NPAS3: variants seen among roughly 807,000 people sequenced by gnomAD.
NPAS3 encodes the protein neuronal PAS domain protein 3, also known as neuronal PAS domain-containing protein 3.
In NPAS3, 14 loss-of-function variants were observed where a neutral mutation model predicts 73.1. That is an observed-to-expected ratio of 0.19 (90% CI 0.13 to 0.30). NPAS3 has a LOEUF of 0.30. Ranked by LOEUF, NPAS3 falls within the 10% of genes least tolerant of loss-of-function variation. The pLI is 1.00. For missense variants in NPAS3, 1,096 were observed against 1,250.0 expected (o/e 0.88, Z 1.86); for synonymous variants, 620 against 541.5 (o/e 1.14, Z -2.01).
chr14:33,550,988 A>G (rs952862315), intron 4 of NPAS3, among the ~76,000 whole-genome samples: 1 of 152,228 alleles, frequency 6.6e-6, no homozygotes. Flanking sequence ...TTATAGCTGT[A>G]TGTGGTTCTA....
chr14:33,118,414 C>A (rs1238519318), intron 2 of NPAS3, among the ~76,000 whole-genome samples: 1 of 152,004 alleles, frequency 6.6e-6, no homozygotes, highest in Non-Finnish European at 1.5e-5. Context: ...AAGAACTATA[C>A]ATGTTTTTCA....
intron 2 of NPAS3, among the ~76,000 whole-genome samples, chr14:33,117,849 CTT>C (rs1419752948): frequency 6.6e-6 from 1 of 152,080 alleles, no homozygotes; most frequent in African/African-American, 2.4e-5. Context: ...CTGTCAAAAT[CTT>C]TGACATTTTT....
intron 3 of NPAS3, among the ~76,000 whole-genome samples, chr14:33,231,874 T>C (rs1013773656): frequency 6.6e-6 from 1 of 152,190 alleles, no homozygotes; most frequent in African/African-American, 2.4e-5. Flanking sequence ...GCCCTTGACG[T>C]AGGCAAATGG....
chr14:32,982,153 G>A (rs551948484), intron 1 of NPAS3, among the ~76,000 whole-genome samples: 2 of 152,286 alleles, frequency 1.3e-5, no homozygotes, highest in South Asian at 4.1e-4. Context: ...CATTTCATGA[G>A]GGACTTCTTT....
intron 1 of NPAS3, among the ~76,000 whole-genome samples, chr14:33,006,595 C>T (rs1307578539): frequency 1.3e-5 from 2 of 152,166 alleles, no homozygotes; most frequent in African/African-American, 4.8e-5. Flanking sequence ...AGTCTGCCAA[C>T]TGTCAATCAG....
chr14:33,438,762 A>C (rs2049102505), intron 4 of NPAS3, among the ~76,000 whole-genome samples: 4 of 152,214 alleles, frequency 2.6e-5, no homozygotes, highest in Admixed American at 2.6e-4. Context: ...CTTTAAGATA[A>C]AATAAGAAAC....
intron 4 of NPAS3, among the ~76,000 whole-genome samples, chr14:33,441,750 G>T (rs919177500): frequency 2.6e-5 from 4 of 152,156 alleles, no homozygotes; most frequent in African/African-American, 9.7e-5. Flanking sequence ...GTTTCACGTG[G>T]CTGGGGAGGC....
chr14:33,133,385 G>A (rs954084020), intron 2 of NPAS3, among the ~76,000 whole-genome samples: 3 of 152,132 alleles, frequency 2.0e-5, no homozygotes, highest in Non-Finnish European at 4.4e-5. Flanking sequence ...ATATTAGCAA[G>A]GCTTTTCCCT....
intron 4 of NPAS3, among the ~76,000 whole-genome samples, chr14:33,526,386 A>G (rs8021131): frequency 0.4 from 60,470 of 151,846 alleles, 13,655 homozygotes; most frequent in African/African-American, 0.63. Flanking sequence ...TTTGTTTTTA[A>G]TAAAGGAAAA....
intron 5 of NPAS3, among the ~76,000 whole-genome samples, chr14:33,609,930 T>C (rs1244463589): frequency 6.6e-6 from 1 of 152,182 alleles, no homozygotes; most frequent in East Asian, 1.9e-4. Context: ...TGTTCATTTG[T>C]TTATTTAAGT....
intron 2 of NPAS3, among the ~76,000 whole-genome samples, chr14:33,202,179 A>G (rs929997970): frequency 1.3e-5 from 2 of 152,166 alleles, no homozygotes; most frequent in Admixed American, 1.3e-4. Context: ...GGGTGGGCAG[A>G]TCACTTGAGG....
chr14:33,048,873 G>C (rs1281078408), intron 1 of NPAS3, among the ~76,000 whole-genome samples: 1 of 152,214 alleles, frequency 6.6e-6, no homozygotes, highest in Non-Finnish European at 1.5e-5. Flanking sequence ...TTTGCTAAGA[G>C]GGTGCACAGC....
intron 6 of NPAS3, among the ~76,000 whole-genome samples, chr14:33,730,885 G>A (rs553399217): frequency 1.2e-4 from 18 of 152,148 alleles, no homozygotes; most frequent in Non-Finnish European, 2.6e-4. Flanking sequence ...AGTTCGTCCT[G>A]TGTGCACAGA....
At chr14:33,561,051 G>A (rs935686480) in intron 5 of NPAS3, among the ~76,000 whole-genome samples, 1 of 152,186 alleles carries the variant, frequency 6.6e-6, no homozygotes, top group Non-Finnish European at 1.5e-5. Flanking sequence ...TGGTAGTTTG[G>A]CATGAGGAAA....
At chr14:33,230,398 G>A (rs1429176670) in intron 3 of NPAS3, among the ~76,000 whole-genome samples, 1 of 152,118 alleles carries the variant, frequency 6.6e-6, no homozygotes, top group African/African-American at 2.4e-5. Flanking sequence ...ACCCACGGAT[G>A]GAGTTAAGAA....
chr14:33,443,806 T>C (rs2049360093), intron 4 of NPAS3, among the ~76,000 whole-genome samples: 1 of 152,156 alleles, frequency 6.6e-6, no homozygotes, highest in African/African-American at 2.4e-5. Context: ...GTGGAAGAGA[T>C]GCCTCTGAGT....
At chr14:33,772,295 A>G (rs768425462) in intron 7 of NPAS3, among the ~76,000 whole-genome samples, 2 of 152,170 alleles carry the variant, frequency 1.3e-5, no homozygotes, top group Non-Finnish European at 2.9e-5. Context: ...GAAAATTGCG[A>G]GTCGAGACTC....
intron 1 of NPAS3, among the ~76,000 whole-genome samples, chr14:32,989,479 C>T (rs1237787799): frequency 6.6e-6 from 1 of 152,056 alleles, no homozygotes; most frequent in East Asian, 1.9e-4. Context: ...CCCGTCTCTA[C>T]TAAAAATACA....
At position 32,967,772 on chromosome 14, in the gene NPAS3, G is replaced by T. The variant is rs576634828; in HGVS notation, c.50+28406G>T. Among the ~76,000 whole-genome samples the T allele has an allele frequency of 3.6e-3, 161 of 44,396 alleles. 1 individual carries two copies. The highest frequency in any genetic ancestry group is 7.2e-3 in the Non-Finnish European group (106 of 14,748). The allele number at this position is 44,396 out of a possible 152,430, so 29.1% of individuals were successfully genotyped here. ...ACAGCCATTATGGACAACAGCATGT[G>T]GGGGGGGGTCCTAAAAAATAAAAAA... On this transcript the variant is annotated intron_variant, in intron 1 of 11. Coordinates refer to ENST00000356141, the Ensembl canonical transcript of NPAS3.
Sources: allele counts gnomAD v4.1 joint callset (sites outside exome capture counted in the v4.1 genomes callset), GRCh38; gene constraint gnomAD v4.1.1; transcripts MANE v1.5; gene names NCBI Gene and HGNC (gene_info 2026-07-23, HGNC 2026-07-21).